TTN: variants seen among roughly 807,000 people sequenced by gnomAD.
TTN encodes the protein connectin.
TTN carries 1,525 observed loss-of-function variants against 3,223.0 expected under a neutral mutation model. The ratio of observed to expected loss-of-function variants is 0.47; its 90% CI spans 0.45 to 0.49. TTN has a LOEUF of 0.49. Among genes scored for constraint, TTN ranks in the 20% least tolerant of loss-of-function variants. The pLI, the probability that TTN is intolerant of heterozygous loss-of-function variation, is 0.00. For synonymous variants in TTN, 14,094 were observed against 15,161.0 expected (o/e 0.93, Z 5.17); for missense variants, 40,786 against 43,424.0 (o/e 0.94, Z 5.40).
intron 102 of TTN, 60 bp from the exon 103 acceptor site, chr2:178,705,417 T>C (rs2075704412): frequency 7.8e-7 from 1 of 1,283,144 alleles, no homozygotes; most frequent in South Asian, 1.7e-5. Context: ...TTTAATTGTC[T>C]ATCATCATTC....
rs762021853 is a variant in TTN, at chr2:178,530,769, G to A, written c.105846C>T (p.Val35282=). 2.5e-6 allele frequency: 4 copies of A among 1,613,898 alleles called. No individual in the cohort carries two copies. The highest frequency in any genetic ancestry group is 3.4e-6 in the Non-Finnish European group (4 of 1,179,870). The change falls in exon 358 of 363, where the codon GTC becomes GTT. Residue 35282 remains valine (V), a synonymous_variant. Transcript: ENST00000589042. The part of the protein sequence containing the change: ...TPTEKVQHLP[V]SAPPKITQFL... ...ACTGAGTAATCTTTGGTGGGGCAGAGACTGGGAGGTGCTGAACTTTCTCTG... is the reference window on the plus strand; with the variant it reads ...ACTGAGTAATCTTTGGTGGGGCAGAAACTGGGAGGTGCTGAACTTTCTCTG...
At position 178,553,006 on chromosome 2, in the gene TTN, A is replaced by G. The variant is rs1409848812; in HGVS notation, c.89894T>C (p.Ile29965Thr). The change falls in exon 335 of 363, where the codon ATA becomes ACA. Residue 29965 changes from isoleucine to threonine, a missense_variant. Ile to Thr is a moderately conservative substitution (Grantham distance 89). Transcript: ENST00000589042. ...DPPLIDGGSPIINYVIEKRDA... is the reference protein window; with the variant it reads ...DPPLIDGGSPTINYVIEKRDA... ...TCTCTTTTCAATGACATAATTAATT[A>G]TTGGAGATCCTCCATCAATGAGAGG... is the stretch of plus-strand genomic sequence containing the variant. 1 of 1,611,702 alleles carries G rather than the reference A, an allele frequency of 6.2e-7. No homozygotes were observed. The highest frequency in any genetic ancestry group is 1.7e-5 in the Admixed American group (1 of 59,982).
intron 47 of TTN, among the ~76,000 whole-genome samples, chr2:178,752,692 C>T (rs1427861347): frequency 1.3e-5 from 2 of 151,948 alleles, no homozygotes; most frequent in African/African-American, 4.8e-5. Flanking sequence ...TTCACACAAC[C>T]TCAGTAAAGT....
Position 178,773,562 on chromosome 2 carries a change from A to T in TTN, c.7494T>A (p.Thr2498=). ...DDRVQAIVKG[T]KQRLVINRTH... is the part of the protein sequence containing the mutation. ...TTCGGTTAATGACTAGTCGCTGTTTAGTACCTTTCACAATGGCCTGTACAC... is the reference window on the plus strand; with the variant it reads ...TTCGGTTAATGACTAGTCGCTGTTTTGTACCTTTCACAATGGCCTGTACAC... Residue 2498 remains threonine (T), a synonymous_variant, in exon 32 of 363, where the codon ACT becomes ACA. Transcript: ENST00000589042. 2 of 1,614,060 alleles carry T rather than the reference A, an allele frequency of 1.2e-6. No homozygotes were observed. The highest frequency in any genetic ancestry group is 1.7e-6 in the Non-Finnish European group (2 of 1,179,962).
chr2:178,702,004 T>C, intron 109 of TTN, 36 bp downstream of exon 109: 1 of 1,600,364 alleles, frequency 6.2e-7, no homozygotes, highest in East Asian at 2.2e-5. Context: ...GCCAAATTTA[T>C]TGTAAGCAAG....
At position 178,581,657 on chromosome 2, in the gene TTN, A is replaced by G; in HGVS notation, c.66611T>C (p.Val22204Ala). 1 of 1,612,684 alleles carries G rather than the reference A, an allele frequency of 6.2e-7. No individual in the cohort carries two copies. The highest frequency in any genetic ancestry group is 8.5e-7 in the Non-Finnish European group (1 of 1,179,268). Reference sequence around the variant, plus strand: ...TAGATTCTGTGGTAAGTTGCACCTCACCCAGTTATCGGAGTCAGCCCGTTT... The same window carrying G: ...TAGATTCTGTGGTAAGTTGCACCTCGCCCAGTTATCGGAGTCAGCCCGTTT... Reference protein sequence around the residue: ...EVKRADSDNWVRCNLPQNLQK... With the variant: ...EVKRADSDNWARCNLPQNLQK... Residue 22204 changes from valine to alanine, a missense_variant, in exon 316 of 363, where the codon GTG (valine) becomes GCG (alanine). Val to Ala is a moderately conservative substitution (Grantham distance 64). Transcript: ENST00000589042.
In TTN at chr2:178,583,802, C is replaced by A. The variant is rs373848128; in HGVS notation, c.65380G>T (p.Val21794Leu). 3.1e-6 allele frequency: 5 copies of A among 1,609,850 alleles called. No individual in the cohort carries two copies. Among genetic ancestry groups the A allele is most frequent in the Non-Finnish European group, 4.2e-6 (5 of 1,178,030 alleles). The change falls in exon 312 of 363, where the codon GTA becomes TTA. Residue 21794 changes from valine (V) to leucine (L), a missense_variant. Physicochemically the swap from Val to Leu is conservative, Grantham distance 32 (BLOSUM62 1). Coordinates refer to ENST00000589042, the MANE Select transcript of TTN (RefSeq NM_001267550.2). ...DGGSKIIGYF[V>L]EACKLPGDKW... ...TCACCAGGAAGTTTGCAAGCTTCTA[C>A]GAAATAGCCAATAATTTTACTGCCT... is the stretch of plus-strand genomic sequence containing the variant.
rs940915212 is a variant in TTN, at chr2:178,571,535, G to C, written c.74597C>G (p.Thr24866Arg). ...WQIVSATVAR[T>R]TIKACRLKTG... ...CTTCAGTCTGCAAGCCTTTATTGTT[G>C]TCCTTGCAACTGTAGCTGATACAAT... The change falls in exon 326 of 363, where the codon ACA becomes AGA. Residue 24866 changes from threonine to arginine, a missense_variant. By Grantham distance (71) the Thr-to-Arg change is moderately conservative. Transcript: ENST00000589042. 12 of 1,612,928 alleles carry C rather than the reference G, an allele frequency of 7.4e-6. No individual in the cohort carries two copies. In the Admixed American group the frequency reaches 1.5e-4, roughly 20 times the overall value.
chr2:178,708,607 T>C (rs758189964), intron 99 of TTN, among the ~76,000 whole-genome samples: 12 of 152,218 alleles, frequency 7.9e-5, no homozygotes, highest in Non-Finnish European at 1.6e-4. Flanking sequence ...TATCTGCCCA[T>C]GGTAAAACCA....
In TTN at chr2:178,724,526, A is replaced by G. The variant is rs1553914315; in HGVS notation, c.20849T>C (p.Ile6950Thr). ...ATLMVLEPAVIVEKAGPMTVT... is the reference protein window; with the variant it reads ...ATLMVLEPAVTVEKAGPMTVT... Reference sequence around the variant, plus strand: ...CGTCATCGGTCCTGCCTTCTCAACAATGACTGCGGGCTCTGAAATAAAACG... The same window carrying G: ...CGTCATCGGTCCTGCCTTCTCAACAGTGACTGCGGGCTCTGAAATAAAACG... Residue 6950 changes from isoleucine (I) to threonine (T), a missense_variant, in exon 72 of 363, where the codon ATT becomes ACT. Coordinates refer to ENST00000589042, the MANE Select transcript of TTN (RefSeq NM_001267550.2). The G allele has an allele frequency of 1.9e-6, 3 of 1,593,144 alleles. No homozygotes were observed. Among genetic ancestry groups the G allele is most frequent in the South Asian group, 2.2e-5 (2 of 88,936 alleles).
At position 178,770,383 on chromosome 2, in the gene TTN, G is replaced by A. The variant is rs534072189; in HGVS notation, c.8380+29C>T. On this transcript the variant is annotated intron_variant, in intron 35 of 362. Coordinates refer to ENST00000589042, the MANE Select transcript of TTN (RefSeq NM_001267550.2). The stretch of plus-strand genomic sequence containing the variant: ...ACTTAATGGTAACCATGGGCTGACT[G>A]CTTGAAAAGTGTTTCTAAATCAACT... 2.0e-5 allele frequency: 32 copies of A among 1,614,138 alleles called. No individual in the cohort carries two copies. The South Asian group carries it at 3.2e-4, about 16-fold the overall frequency.
chr2:178,626,653 A>G (rs749328943), intron 240 of TTN, among the ~76,000 whole-genome samples: 5 of 151,990 alleles, frequency 3.3e-5, no homozygotes, highest in Non-Finnish European at 5.9e-5. Context: ...CAAAAAACAT[A>G]ATAAGGAAAA....
Position 178,768,019 on chromosome 2 carries a change from T to A in TTN, c.9300A>T (p.Thr3100=). The change falls in exon 39 of 363, where the codon ACA becomes ACT. Residue 3100 remains threonine, a synonymous_variant. Transcript: ENST00000589042. ...AGCAAGACAAAACAACTGACCTGTC[T>A]GTGATCTGCAGTTCCTGGTCATCTT... is the stretch of plus-strand genomic sequence containing the variant. ...WMKDDQELQI[T]DRIKIQKEKY... 1 of 1,614,162 alleles carries A rather than the reference T, an allele frequency of 6.2e-7. No homozygotes were observed. The highest frequency in any genetic ancestry group is 8.5e-7 in the Non-Finnish European group (1 of 1,180,012).
rs1043679244 is a variant in TTN at position 178,555,211 on chromosome 2, T to C, written c.88307-59A>G. On this transcript the variant is annotated intron_variant, in intron 330 of 362. Coordinates refer to ENST00000589042, the MANE Select transcript of TTN (RefSeq NM_001267550.2). The stretch of plus-strand genomic sequence containing the variant: ...ATTATAAGGATGGAAAAAAAAATAG[T>C]TGCACCAACCTTAAAGTAAGGTCAT... 6 of 1,513,934 alleles carry C rather than the reference T, an allele frequency of 4.0e-6. No homozygotes were observed. In the African/African-American group the frequency reaches 8.5e-5, roughly 21 times the overall value. 93.8% of individuals were successfully genotyped at this position (1,513,934 alleles called of 1,614,324 possible).
Position 178,615,669 on chromosome 2 carries a change from A to G in TTN, c.48432T>C (p.Asp16144=), listed in dbSNP as rs776643336. 49 of 1,612,560 alleles carry G rather than the reference A, an allele frequency of 3.0e-5. No homozygotes were observed. The highest frequency in any genetic ancestry group is 1.7e-4 in the Middle Eastern group (1 of 6,044). The change falls in exon 258 of 363, where the codon GAT becomes GAC. Residue 16144 remains aspartate (D), a synonymous_variant. Transcript: ENST00000589042. ...KCGPGEPAYV[D]EPVNMSTPAT... ...CAGGAGTTGACATATTTACAGGTTC[A>G]TCAACATATGCAGGTTCTCCAGGGC...
intron 234 of TTN, 39 bp from the exon 235 acceptor site, chr2:178,632,831 T>G (rs764665968): frequency 6.2e-7 from 1 of 1,612,612 alleles, no homozygotes; most frequent in Non-Finnish European, 8.5e-7. Context: ...AGAATACGTT[T>G]CCATTGATGA....
At chr2:178,757,229 A>ACTGTCCTTGCTTTAAGT (rs1398848581) in intron 45 of TTN, among the ~76,000 whole-genome samples, 1 of 149,626 alleles carries the variant, frequency 6.7e-6, no homozygotes, top group Non-Finnish European at 1.5e-5. Context: ...AGTAAGTAAT[A>ACTGTCCTTGCTTTAAGT]ATCAGCAAAT....
chr2:178,671,124 AGTG>A lies in TTN; in HGVS notation c.35271_35273del (p.Thr11758del). ...GTGGCTCTTTTCGAGGAACAACTTT[AGTG>A]GGCGGTTTTTTTGGAGGGATGATTT... On this transcript the variant is annotated inframe_deletion, in exon 156 of 363. Coordinates refer to ENST00000589042, the MANE Select transcript of TTN (RefSeq NM_001267550.2). 6.2e-7 allele frequency: 1 copy of A among 1,605,108 alleles called. No homozygotes were observed. Among genetic ancestry groups the A allele is most frequent in the Non-Finnish European group, 8.5e-7 (1 of 1,176,256 alleles).
Position 178,529,204 on chromosome 2 carries a change from T to C in TTN, c.106547A>G (p.Glu35516Gly). The C allele has an allele frequency of 6.7e-7, 1 of 1,485,110 alleles. No homozygotes were observed. The highest frequency in any genetic ancestry group is 1.4e-5 in the South Asian group (1 of 70,696). 92.0% of individuals were successfully genotyped at this position (1,485,110 alleles called of 1,614,324 possible). A position where few individuals can be genotyped will look rare whatever the true frequency, so the allele number is the denominator to read the frequency against. The part of the protein sequence containing the change: ...KLTIKAIKDT[E>G]AQKVSTQKTS... ...CTTTTGTGTAGAGACTTTCTGTGCC[T>C]CAGTATCTTTTATAGCTAAAAAAGA... The change falls in exon 360 of 363, where the codon GAG becomes GGG. Residue 35516 changes from glutamate to glycine, a missense_variant. Coordinates refer to ENST00000589042, the MANE Select transcript of TTN (RefSeq NM_001267550.2).
Sources: gnomAD v4.1 joint callset for allele counts (sites outside exome capture counted in the v4.1 genomes callset) on GRCh38, gnomAD v4.1.1 for gene constraint, MANE v1.5 for transcripts, NCBI Gene and HGNC (gene_info 2026-07-23, HGNC 2026-07-21) for gene names.